Variants in EGFL7 observed in about 807,000 individuals in gnomAD.
The protein encoded by EGFL7 is epidermal growth factor-like protein 7.
In EGFL7, 48 loss-of-function variants were observed where a neutral mutation model predicts 37.1. That is an observed-to-expected ratio of 1.29 (90% CI 1.03 to 1.65). The LOEUF (loss-of-function observed/expected upper bound fraction) is 1.65, where lower values mean the gene tolerates loss of function less well. Among genes scored for constraint, EGFL7 ranks in the 40% most tolerant of loss-of-function variants. The probability of loss-of-function intolerance (pLI) is 0.00; values close to 1 mark genes in which losing one functional copy is unlikely to be tolerated. For missense variants in EGFL7, 384 were observed against 378.9 expected (o/e 1.01, Z -0.11); for synonymous variants, 180 against 156.8 (o/e 1.15, Z -1.10).
chr9:136,671,032 G>GCA lies in EGFL7; in HGVS notation c.636+18_636+19insCA. The GCA allele has an allele frequency of 9.1e-7, 1 of 1,103,844 alleles. No homozygotes were observed. The allele number at this position is 1,103,844 out of a possible 1,614,324, so 68.4% of individuals were successfully genotyped here. A position where few individuals can be genotyped will look rare whatever the true frequency, so the allele number is the denominator to read the frequency against. ...TGGAGGAGGTGAGGCATTGGTGGGGGGGGGGGGGGGCAGGCAGTCCAGGGT... is the reference window on the plus strand; with the variant it reads ...TGGAGGAGGTGAGGCATTGGTGGGGGCAGGGGGGGGGGCAGGCAGTCCAGGGT... On this transcript the variant is annotated intron_variant, in intron 9 of 10. Transcript: ENST00000308874.
rs750907331 is a variant in EGFL7, at chr9:136,670,286, G to A, written c.527G>A (p.Cys176Tyr). The change falls in exon 8 of 11, where the codon TGT (cysteine) becomes TAT (tyrosine). Residue 176 changes from cysteine to tyrosine, a missense_variant. By Grantham distance (194) the Cys-to-Tyr change is radical. Coordinates refer to ENST00000308874, the MANE Select transcript of EGFL7 (RefSeq NM_016215.5). ...GHSLSADGTLCVPKGGPPRVA... is the reference protein window; with the variant it reads ...GHSLSADGTLYVPKGGPPRVA... ...AGCCTGTCTGCAGACGGTACACTCT[G>A]TGTGCCCAAGGGAGGGCCCCCCAGG... The A allele has an allele frequency of 6.2e-7, 1 of 1,607,640 alleles. No individual in the cohort carries two copies. Among genetic ancestry groups the A allele is most frequent in the South Asian group, 1.1e-5 (1 of 90,742 alleles).
intron 9 of EGFL7, among the ~76,000 whole-genome samples, chr9:136,671,601 C>A (rs1005467634): frequency 6.6e-6 from 1 of 151,600 alleles, no homozygotes; most frequent in Non-Finnish European, 1.5e-5. Context: ...TGGACCCAGA[C>A]GAGACCTCCC....
At chr9:136,671,090 C>G in intron 9 of EGFL7, 76 bp downstream of exon 9, 2 of 993,082 alleles carry the variant, frequency 2.0e-6, no homozygotes, top group South Asian at 1.6e-5. Flanking sequence ...TGTGGAGGGG[C>G]AGGCAGTCCA....
intron 8 of EGFL7, 112 bp downstream of exon 8, chr9:136,670,442 A>T: frequency 7.7e-7 from 1 of 1,303,988 alleles, no homozygotes; most frequent in Non-Finnish European, 1.1e-6. Context: ...GGCGGTGGGG[A>T]CTCCCTCTCC....
chr9:136,667,799 C>G (rs968592560), intron 3 of EGFL7, among the ~76,000 whole-genome samples: 1 of 152,316 alleles, frequency 6.6e-6, no homozygotes, highest in Non-Finnish European at 1.5e-5. Context: ...CCGGCAGGTC[C>G]CTGGTGGGGC....
chr9:136,670,300 G>A lies in EGFL7; in HGVS notation c.541G>A (p.Gly181Arg), dbSNP rs775163428. ...ADGTLCVPKG[G>R]PPRVAPNPTG... is the part of the protein sequence containing the mutation. ...CGGTACACTCTGTGTGCCCAAGGGA[G>A]GGCCCCCCAGGGTGGCCCCCAACCC... Residue 181 changes from glycine to arginine, a missense_variant, in exon 8 of 11, where the codon GGG becomes AGG. By Grantham distance (125) the Gly-to-Arg change is moderately radical. Coordinates refer to ENST00000308874, the MANE Select transcript of EGFL7 (RefSeq NM_016215.5). 1.9e-6 allele frequency: 3 copies of A among 1,596,124 alleles called. No homozygotes were observed. The highest frequency in any genetic ancestry group is 1.7e-5 in the Admixed American group (1 of 58,542).
rs534900551 is a variant in EGFL7, at chr9:136,672,613, G to A, written c.*327G>A. On this transcript the variant is annotated 3_prime_UTR_variant, in exon 11 of 11. Coordinates refer to ENST00000308874, the MANE Select transcript of EGFL7 (RefSeq NM_016215.5). ...ACCCATGGCACAGGCCAGGCAGCCC[G>A]GAGGCTGGGTGGGGCCTCAGTGGGG... 96 of 490,042 alleles carry A rather than the reference G, an allele frequency of 2.0e-4. No homozygotes were observed. The Admixed American group carries it at 2.0e-3, about 10-fold the overall frequency. The allele number at this position is 490,042 out of a possible 1,614,324, so 30.4% of individuals were successfully genotyped here.
In EGFL7 at chr9:136,672,539, G is replaced by A; in HGVS notation, c.*253G>A. On this transcript the variant is annotated 3_prime_UTR_variant, in exon 11 of 11. Transcript: ENST00000308874. ...CTACCCCAACGGCATCCCAAGGCCAGGTGGGCCCTCAGCTGAGGGAAGGTA... is the reference window on the plus strand; with the variant it reads ...CTACCCCAACGGCATCCCAAGGCCAAGTGGGCCCTCAGCTGAGGGAAGGTA... 1 of 597,218 alleles carries A rather than the reference G, an allele frequency of 1.7e-6. No homozygotes were observed. The highest frequency in any genetic ancestry group is 2.8e-5 in the East Asian group (1 of 36,046). 37.0% of individuals were successfully genotyped at this position (597,218 alleles called of 1,614,324 possible).
At chr9:136,667,770 A>G (rs1337976333) in intron 3 of EGFL7, among the ~76,000 whole-genome samples, 1 of 152,162 alleles carries the variant, frequency 6.6e-6, no homozygotes, top group Admixed American at 6.5e-5. Context: ...TGAGAAATCA[A>G]ATTCCAGAAG....
chr9:136,672,011 T>A lies in EGFL7; in HGVS notation c.722T>A (p.Val241Glu). The A allele has an allele frequency of 1.3e-6, 2 of 1,544,308 alleles. No individual in the cohort carries two copies. Among genetic ancestry groups the A allele is most frequent in the Non-Finnish European group, 1.7e-6 (2 of 1,146,782 alleles). The change falls in exon 10 of 11, where the codon GTG becomes GAG. Residue 241 changes from valine (V) to glutamate (E), a missense_variant. By Grantham distance (121) the Val-to-Glu change is moderately radical (BLOSUM62 -2). Coordinates refer to ENST00000308874, the MANE Select transcript of EGFL7 (RefSeq NM_016215.5). ...CTCCCGGACCCCGGCAGCCTCCTGG[T>A]GCACTCCTTCCAGCAGCTCGGCCGC... ...HGLPDPGSLLVHSFQQLGRID... is the reference protein window; with the variant it reads ...HGLPDPGSLLEHSFQQLGRID...
upstream of EGFL7, among the ~76,000 whole-genome samples, chr9:136,661,553 C>T (rs1365257825): frequency 6.6e-6 from 1 of 152,210 alleles, no homozygotes. Context: ...CCCCTTAAAC[C>T]AGCTCAGTGA....
At position 136,669,669 on chromosome 9, in the gene EGFL7, G is replaced by A. The variant is rs141313420; in HGVS notation, c.261G>A (p.Ala87=). The A allele has an allele frequency of 2.3e-4, 375 of 1,609,474 alleles. No individual in the cohort carries two copies. In the African/African-American group the frequency reaches 3.7e-3, roughly 16 times the overall value. Residue 87 remains alanine (A), a synonymous_variant, in exon 6 of 11, where the codon GCG becomes GCA. Coordinates refer to ENST00000308874, the MANE Select transcript of EGFL7 (RefSeq NM_016215.5). Reference sequence around the variant, plus strand: ...TGGCCCCTGCCAGGCCTCGCTACGCGTGCTGCCCCGGCTGGAAGAGGACCA... The same window carrying A: ...TGGCCCCTGCCAGGCCTCGCTACGCATGCTGCCCCGGCTGGAAGAGGACCA... ...PGLAPARPRY[A]CCPGWKRTSG...
chr9:136,672,091 G>A lies in EGFL7; in HGVS notation c.799+3G>A, dbSNP rs1346192184. 1 of 1,547,128 alleles carries A rather than the reference G, an allele frequency of 6.5e-7. No individual in the cohort carries two copies. The highest frequency in any genetic ancestry group is 8.7e-7 in the Non-Finnish European group (1 of 1,146,624). On this transcript the variant is annotated splice_donor_region_variant and intron_variant, in intron 10 of 10. Coordinates refer to ENST00000308874, the MANE Select transcript of EGFL7 (RefSeq NM_016215.5). ...CCTGGAGGAGCAGCTGGGGTCCTGT[G>A]AGTGCCCCCACCCTCCAGAGCCCTC...
Position 136,668,604 on chromosome 9 carries a change from C to A in EGFL7, c.128C>A (p.Ser43Ter). The A allele has an allele frequency of 5.6e-6, 9 of 1,608,518 alleles. No homozygotes were observed. Among genetic ancestry groups the A allele is most frequent in the Non-Finnish European group, 6.8e-6 (8 of 1,179,792 alleles). The change falls in exon 5 of 11, where the codon TCG becomes TAG. Residue 43 changes from serine (S) to a stop codon, truncating the protein, a stop_gained. Transcript: ENST00000308874. LOFTEE classifies it high-confidence loss of function. ...GCTCACGGGGACCCTGTCTCCGAGT[C>A]GTTCGTGCAGCGTGTGTACCAGCCC... ...VRAHGDPVSE[S>*]FVQRVYQPFL...
rs1845982451 is a variant in EGFL7 at position 136,672,427 on chromosome 9, C to T, written c.*141C>T. ...GCAGGGCCTTCCTCCTCTTCCTCCT[C>T]CCCTTCCTCGGGAGGCTCCCCAGAC... is the stretch of plus-strand genomic sequence containing the variant. On this transcript the variant is annotated 3_prime_UTR_variant, in exon 11 of 11. Coordinates refer to ENST00000308874, the MANE Select transcript of EGFL7 (RefSeq NM_016215.5). The T allele has an allele frequency of 3.9e-6, 4 of 1,017,824 alleles. No individual in the cohort carries two copies. The highest frequency in any genetic ancestry group is 3.0e-6 in the Non-Finnish European group (2 of 675,386). 63.0% of individuals were successfully genotyped at this position (1,017,824 alleles called of 1,614,324 possible).
At chr9:136,672,128 G>C (rs759738265) in intron 10 of EGFL7, 40 bp downstream of exon 10, 32 of 1,557,510 alleles carry the variant, frequency 2.1e-5, no homozygotes, top group Non-Finnish European at 2.8e-5. Context: ...TCCCGGGTCT[G>C]GGCCCAGTGG....
chr9:136,669,517 C>A (rs928574517), intron 5 of EGFL7, 89 bp from the exon 6 acceptor site: 1 of 931,998 alleles, frequency 1.1e-6, no homozygotes, highest in East Asian at 2.6e-5. Flanking sequence ...TGGGGTGACC[C>A]TGTGCACTCT....
intron 9 of EGFL7, 88 bp from the exon 10 acceptor site, chr9:136,671,838 G>A: frequency 7.1e-7 from 1 of 1,409,486 alleles, no homozygotes; most frequent in Non-Finnish European, 9.3e-7. Flanking sequence ...GGAGGCTTGT[G>A]GAGCCCTTCC....
Position 136,671,000 on chromosome 9 carries a change from G to A in EGFL7, c.622G>A (p.Asp208Asn), listed in dbSNP as rs536328944. 58 of 1,528,496 alleles carry A rather than the reference G, an allele frequency of 3.8e-5. No homozygotes were observed. The African/African-American group carries it at 7.0e-4, about 18-fold the overall frequency. 94.7% of individuals were successfully genotyped at this position (1,528,496 alleles called of 1,614,324 possible). A position where few individuals can be genotyped will look rare whatever the true frequency, so the allele number is the denominator to read the frequency against. The change falls in exon 9 of 11, where the codon GAC (aspartate) becomes AAC (asparagine). Residue 208 changes from aspartate to asparagine, a missense_variant. Asp to Asn is a conservative substitution (Grantham distance 23). Coordinates refer to ENST00000308874, the MANE Select transcript of EGFL7 (RefSeq NM_016215.5). ...EEVQRLQSRV[D>N]LLEEKLQLVL... ...AGTGCAGAGGCTGCAGTCCAGGGTG[G>A]ACCTGCTGGAGGAGGTGAGGCATTG...
Sources: gnomAD v4.1 joint callset for allele counts (sites outside exome capture counted in the v4.1 genomes callset) on GRCh38, gnomAD v4.1.1 for gene constraint, MANE v1.5 for transcripts, NCBI Gene and HGNC (gene_info 2026-07-23, HGNC 2026-07-21) for gene names.